The following PEBP4 variants were observed in gnomAD, a reference collection of about 807,000 sequenced individuals.
PEBP4 encodes the protein phosphatidylethanolamine binding protein 4.
A neutral mutation model predicts 23.9 loss-of-function variants in PEBP4; 22 were observed. The ratio of observed to expected loss-of-function variants is 0.92; its 90% CI spans 0.66 to 1.31. The LOEUF is 1.31. PEBP4 is among the 40% of genes most tolerant of loss of function. The probability of loss-of-function intolerance (pLI) is 0.00; values close to 1 mark genes in which losing one functional copy is unlikely to be tolerated. For missense variants in PEBP4, 324 were observed against 281.7 expected (o/e 1.15, Z -1.07); for synonymous variants, 112 against 99.3 (o/e 1.13, Z -0.76).
chr8:22,850,556 CGTGTGT>C (rs71274535), intron 3 of PEBP4, among the ~76,000 whole-genome samples: 2 of 150,582 alleles, frequency 1.3e-5, no homozygotes, highest in Admixed American at 6.6e-5. Context: ...CCATGGCAAG[CGTGTGT>C]GTGTGTGTGT....
intron 3 of PEBP4, among the ~76,000 whole-genome samples, chr8:22,828,070 T>C (rs1001015862): frequency 2.5e-4 from 38 of 152,366 alleles, no homozygotes; most frequent in African/African-American, 8.9e-4. Context: ...GGATTATTTA[T>C]CTTCTAAAAT....
intron 4 of PEBP4, among the ~76,000 whole-genome samples, chr8:22,746,844 C>G (rs181682066): frequency 4.6e-5 from 7 of 152,122 alleles, no homozygotes; most frequent in Non-Finnish European, 1.0e-4. Flanking sequence ...CATCAAAGTT[C>G]GGAGGAATGG....
intron 3 of PEBP4, among the ~76,000 whole-genome samples, chr8:22,881,391 C>T (rs776632306): frequency 1.3e-5 from 2 of 152,222 alleles, no homozygotes; most frequent in Admixed American, 6.5e-5. Context: ...CAGGCCAGAG[C>T]CCCTCAGACT....
chr8:22,746,043 A>G (rs1357226342), intron 4 of PEBP4, among the ~76,000 whole-genome samples: 2 of 152,234 alleles, frequency 1.3e-5, no homozygotes, highest in Non-Finnish European at 2.9e-5. Context: ...GAATTGAACC[A>G]AAGCATTGTC....
chr8:22,728,068 A>G (rs1804653182), intron 4 of PEBP4, among the ~76,000 whole-genome samples: 1 of 152,108 alleles, frequency 6.6e-6, no homozygotes, highest in Admixed American at 6.5e-5. Context: ...AGCCTTAATG[A>G]AGGTGATTAG....
intron 4 of PEBP4, among the ~76,000 whole-genome samples, chr8:22,759,298 C>T (rs1423834691): frequency 6.6e-6 from 1 of 151,928 alleles, no homozygotes; most frequent in Non-Finnish European, 1.5e-5. Flanking sequence ...CCGGGGAGTA[C>T]CCAGTCCTCT....
At chr8:22,832,511 G>A (rs1807107434) in intron 3 of PEBP4, among the ~76,000 whole-genome samples, 1 of 152,102 alleles carries the variant, frequency 6.6e-6, no homozygotes, top group Non-Finnish European at 1.5e-5. Context: ...CCAGTCTATG[G>A]AATTTTTGTT....
chr8:22,740,798 G>A (rs1804972911), intron 4 of PEBP4, among the ~76,000 whole-genome samples: 1 of 152,218 alleles, frequency 6.6e-6, no homozygotes, highest in Admixed American at 6.5e-5. Context: ...CTGAGAAGGA[G>A]GGAGGCACAG....
chr8:22,804,860 C>T (rs773241148), intron 4 of PEBP4, among the ~76,000 whole-genome samples: 8 of 152,148 alleles, frequency 5.3e-5, no homozygotes, highest in Non-Finnish European at 1.2e-4. Flanking sequence ...CACCCTGCTG[C>T]AGCCACACCA....
chr8:22,845,570 AAGCT>A (rs1807415382), intron 3 of PEBP4, among the ~76,000 whole-genome samples: 3 of 152,156 alleles, frequency 2.0e-5, no homozygotes, highest in Non-Finnish European at 4.4e-5. Flanking sequence ...TGTTCTAGGG[AAGCT>A]TCAGAGCCTC....
At chr8:22,738,965 A>T (rs1804930457) in intron 4 of PEBP4, among the ~76,000 whole-genome samples, 1 of 152,040 alleles carries the variant, frequency 6.6e-6, no homozygotes, top group Admixed American at 6.5e-5. Flanking sequence ...AGAAGGGGGC[A>T]TTTGGGAAGG....
chr8:22,836,412 T>G (rs1807206111), intron 3 of PEBP4, among the ~76,000 whole-genome samples: 1 of 152,224 alleles, frequency 6.6e-6, no homozygotes, highest in Non-Finnish European at 1.5e-5. Context: ...TGTTGCAAAT[T>G]CCTGCACACC....
chr8:22,869,436 C>T (rs1043627723), intron 3 of PEBP4, among the ~76,000 whole-genome samples: 1 of 152,164 alleles, frequency 6.6e-6, no homozygotes, highest in Admixed American at 6.5e-5. Flanking sequence ...GACTTAGTGC[C>T]GGGCACAGTG....
intron 4 of PEBP4, among the ~76,000 whole-genome samples, chr8:22,814,886 C>T (rs867835687): frequency 7.2e-5 from 11 of 151,942 alleles, no homozygotes; most frequent in African/African-American, 2.2e-4. Flanking sequence ...GGGAGTGAAC[C>T]GGGGGGTGGT....
intron 3 of PEBP4, among the ~76,000 whole-genome samples, chr8:22,870,314 T>G (rs1807983138): frequency 6.6e-6 from 1 of 152,214 alleles, no homozygotes; most frequent in African/African-American, 2.4e-5. Flanking sequence ...TGCATATTAC[T>G]AAGTGAAAGA....
At chr8:22,853,014 G>A (rs1016882899) in intron 3 of PEBP4, among the ~76,000 whole-genome samples, 3 of 152,166 alleles carry the variant, frequency 2.0e-5, no homozygotes, top group Non-Finnish European at 4.4e-5. Context: ...AGCGAGCTGC[G>A]AAGCGCTTTC....
intron 4 of PEBP4, among the ~76,000 whole-genome samples, chr8:22,789,446 A>G (rs1806093616): frequency 6.6e-6 from 1 of 152,146 alleles, no homozygotes; most frequent in Admixed American, 6.5e-5. Flanking sequence ...CCTTCAGTTT[A>G]TGCTGGTACG....
At chr8:22,895,778 G>C (rs1371597586) in intron 3 of PEBP4, 1 of 152,164 alleles carries the variant, frequency 6.6e-6, no homozygotes, top group Non-Finnish European at 1.5e-5. Context: ...CAAGTTCACT[G>C]ATTTTTCCAG....
chr8:22,783,573 C>A, intron 4 of PEBP4, among the ~76,000 whole-genome samples: 1 of 152,180 alleles, frequency 6.6e-6, no homozygotes, highest in African/African-American at 2.4e-5. Context: ...AGCTAGGATC[C>A]AACTAGGGTC....
Sources: gnomAD v4.1 joint callset for allele counts (sites outside exome capture counted in the v4.1 genomes callset) on GRCh38, gnomAD v4.1.1 for gene constraint, MANE v1.5 for transcripts, NCBI Gene and HGNC (gene_info 2026-07-23, HGNC 2026-07-21) for gene names.